The following GDAP2 variants were observed in gnomAD, a reference collection of about 807,000 sequenced individuals.
GDAP2 encodes the protein ganglioside induced differentiation associated protein 2, also known as ganglioside-induced differentiation-associated protein 2.
Under a neutral mutation model 67.0 loss-of-function variants are expected in GDAP2, and 51 were observed. The observed-to-expected ratio is 0.76, with a 90% CI of 0.61 to 0.96. The LOEUF (loss-of-function observed/expected upper bound fraction) is 0.96. Ranked by LOEUF, GDAP2 falls within the 40% of genes least tolerant of loss-of-function variation. The pLI, the probability that GDAP2 is intolerant of heterozygous loss-of-function variation, is 0.00. For missense variants in GDAP2, 547 were observed against 588.3 expected (o/e 0.93, Z 0.73); for synonymous variants, 203 against 207.3 (o/e 0.98, Z 0.18).
intron 8 of GDAP2, among the ~76,000 whole-genome samples, chr1:117,889,194 T>G (rs1330949138): frequency 6.6e-6 from 1 of 152,164 alleles, no homozygotes; most frequent in African/African-American, 2.4e-5. Context: ...AAAATTCTAT[T>G]TCTTTACTTA....
At chr1:117,898,987 T>G in intron 7 of GDAP2, 70 bp downstream of exon 7, 1 of 1,142,290 alleles carries the variant, frequency 8.8e-7, no homozygotes, top group Non-Finnish European at 1.3e-6. Context: ...AATTTCTTAC[T>G]TCTTTGGTGA....
chr1:117,912,912 G>A (rs1184011960), intron 3 of GDAP2, among the ~76,000 whole-genome samples: 2 of 152,102 alleles, frequency 1.3e-5, no homozygotes, highest in East Asian at 1.9e-4. Context: ...AGACCATGAA[G>A]CAGATAAGCA....
chr1:117,872,546 C>T (rs143957241), intron 13 of GDAP2, among the ~76,000 whole-genome samples: 10 of 152,106 alleles, frequency 6.6e-5, no homozygotes, highest in South Asian at 2.1e-4. Context: ...TGCAGAGACA[C>T]GGATGAAGCT....
At chr1:117,919,140 C>T (rs906957548) in intron 2 of GDAP2, among the ~76,000 whole-genome samples, 27 of 152,184 alleles carry the variant, frequency 1.8e-4, no homozygotes, top group African/African-American at 2.4e-4. Flanking sequence ...TTTGGGAGGC[C>T]GAGGCAGATG....
chr1:117,887,835 G>C, intron 8 of GDAP2, 61 bp from the exon 9 acceptor site: 1 of 995,752 alleles, frequency 1.0e-6, no homozygotes, highest in Non-Finnish European at 1.6e-6. Flanking sequence ...TTACAAATGG[G>C]ACCAATTTTT....
rs148340280 is a variant in GDAP2, at chr1:117,876,145, G to A, written c.1446+1864C>T. Among the ~76,000 whole-genome samples the A allele has an allele frequency of 1.6e-4, 24 of 152,228 alleles. No homozygotes were observed. In the East Asian group the frequency reaches 4.6e-3, roughly 29 times the overall value. ...GTGTTGGAGGTGGGGTCTAATGTGA[G>A]GTGTTTGAGTCATGGGGTGGGGCAG... On this transcript the variant is annotated intron_variant, in intron 13 of 13. Transcript: ENST00000369443.
chr1:117,866,333 A>T lies in GDAP2; in HGVS notation c.*4236T>A, dbSNP rs1355916902. On this transcript the variant is annotated 3_prime_UTR_variant, in exon 14 of 14. Transcript: ENST00000369443. ...AGGAATTGCGCTGGATGGCACTTTGATCTTGGGGTTTCTCAGCCTCCAACT... is the reference window on the plus strand; with the variant it reads ...AGGAATTGCGCTGGATGGCACTTTGTTCTTGGGGTTTCTCAGCCTCCAACT... The T allele has an allele frequency of 6.6e-6, 1 of 152,172 alleles. No homozygotes were observed. The highest frequency in any genetic ancestry group is 1.5e-5 in the Non-Finnish European group (1 of 68,034). The allele number at this position is 152,172 out of a possible 1,614,324, so 9.4% of individuals were successfully genotyped here.
At chr1:117,918,209 A>G (rs1650115798) in intron 3 of GDAP2, among the ~76,000 whole-genome samples, 2 of 152,226 alleles carry the variant, frequency 1.3e-5, no homozygotes, top group South Asian at 4.1e-4. Flanking sequence ...GGGCACAAAT[A>G]ACAAAGGGAT....
chr1:117,928,589 C>T (rs3754127), intron 1 of GDAP2, among the ~76,000 whole-genome samples: 52,332 of 152,152 alleles, frequency 0.34, 10,653 homozygotes, highest in Non-Finnish European at 0.46. Context: ...GCTGCTACAG[C>T]TGTCCACAGT....
At position 117,870,458 on chromosome 1, in the gene GDAP2, G is replaced by A; in HGVS notation, c.*111C>T. The A allele has an allele frequency of 4.0e-6, 3 of 747,540 alleles. No homozygotes were observed. Among genetic ancestry groups the A allele is most frequent in the East Asian group, 2.5e-5 (1 of 40,056 alleles). The allele number at this position is 747,540 out of a possible 1,614,324, so 46.3% of individuals were successfully genotyped here. On this transcript the variant is annotated 3_prime_UTR_variant, in exon 14 of 14. Coordinates refer to ENST00000369443, the MANE Select transcript of GDAP2 (RefSeq NM_017686.4). ...CAATAAAAAAATACCAGAGAGGTGGGGACAAAAGGCTCTCTGGATCTGTAC... is the reference window on the plus strand; with the variant it reads ...CAATAAAAAAATACCAGAGAGGTGGAGACAAAAGGCTCTCTGGATCTGTAC...
chr1:117,904,544 G>A (rs1454603069), intron 6 of GDAP2, among the ~76,000 whole-genome samples: 1 of 152,086 alleles, frequency 6.6e-6, no homozygotes, highest in Non-Finnish European at 1.5e-5. Context: ...AATGACTTTT[G>A]AGAAAAAGAT....
chr1:117,929,456 G>A lies in GDAP2; in HGVS notation c.-76C>T, dbSNP rs1171156492. ...TCAGTCCCTCCTCTCACAGCACTCT[G>A]GTGGTCCCATCCGGGCGGCGGGCGG... On this transcript the variant is annotated 5_prime_UTR_variant, in exon 1 of 14. Coordinates refer to ENST00000369443, the MANE Select transcript of GDAP2 (RefSeq NM_017686.4). 1.3e-5 allele frequency: 2 copies of A among 152,560 alleles called. No individual in the cohort carries two copies. The highest frequency in any genetic ancestry group is 1.9e-4 in the East Asian group (1 of 5,184). The allele number at this position is 152,560 out of a possible 1,614,324, so 9.5% of individuals were successfully genotyped here. A position where few individuals can be genotyped will look rare whatever the true frequency, so the allele number is the denominator to read the frequency against.
At chr1:117,921,599 A>AGGTAATGAGT in intron 1 of GDAP2, among the ~76,000 whole-genome samples, 1 of 152,322 alleles carries the variant, frequency 6.6e-6, no homozygotes, top group East Asian at 1.9e-4. Flanking sequence ...AGAATAAGCT[A>AGGTAATGAGT]GGTAATGAGT....
At chr1:117,907,794 C>T (rs1238588512) in intron 5 of GDAP2, among the ~76,000 whole-genome samples, 1 of 152,098 alleles carries the variant, frequency 6.6e-6, no homozygotes, top group Non-Finnish European at 1.5e-5. Flanking sequence ...CTCACTGTTG[C>T]CTGAGTTATC....
chr1:117,895,573 T>C (rs537024814), intron 8 of GDAP2, among the ~76,000 whole-genome samples: 10 of 152,266 alleles, frequency 6.6e-5, no homozygotes, highest in African/African-American at 2.4e-4. Flanking sequence ...ATCCCAGTAA[T>C]GTGAGGAGCC....
intron 1 of GDAP2, among the ~76,000 whole-genome samples, 175 bp downstream of exon 1, chr1:117,929,273 G>A (rs959359598): frequency 6.6e-6 from 1 of 152,176 alleles, no homozygotes; most frequent in Non-Finnish European, 1.5e-5. Flanking sequence ...ACAACGCCTC[G>A]GGAAAGAACC....
chr1:117,918,597 C>A lies in GDAP2; in HGVS notation c.316G>T (p.Gly106Trp), dbSNP rs12753610. The change falls in exon 3 of 14, where the codon GGG (glycine) becomes TGG (tryptophan). Residue 106 changes from glycine to tryptophan, a missense_variant and splice_region_variant. By Grantham distance (184) the Gly-to-Trp change is radical (BLOSUM62 -2). Transcript: ENST00000369443. The part of the protein sequence containing the change: ...DLKEDLQKLK[G>W]CRTGEAKLTK... Reference sequence around the variant, plus strand: ...AATATATGAAAGAAAATTCACTCACCTTTAAGTTTCTGGAGATCTTCCTTC... The same window carrying A: ...AATATATGAAAGAAAATTCACTCACATTTAAGTTTCTGGAGATCTTCCTTC... The A allele has an allele frequency of 6.2e-7, 1 of 1,603,738 alleles. No homozygotes were observed. Among genetic ancestry groups the A allele is most frequent in the Non-Finnish European group, 8.5e-7 (1 of 1,170,888 alleles).
intron 7 of GDAP2, among the ~76,000 whole-genome samples, chr1:117,898,839 C>A (rs903352574): frequency 1.3e-5 from 2 of 152,144 alleles, no homozygotes; most frequent in Admixed American, 1.3e-4. Context: ...ACCTCTTAAT[C>A]CCCACTGTCT....
intron 3 of GDAP2, among the ~76,000 whole-genome samples, chr1:117,917,766 T>C (rs1650100456): frequency 6.6e-6 from 1 of 152,248 alleles, no homozygotes; most frequent in African/African-American, 2.4e-5. Context: ...CTTATGTGTA[T>C]GTAAGCATAC....
Sources: gnomAD v4.1 joint callset for allele counts (sites outside exome capture counted in the v4.1 genomes callset) on GRCh38, gnomAD v4.1.1 for gene constraint, MANE v1.5 for transcripts, NCBI Gene and HGNC (gene_info 2026-07-23, HGNC 2026-07-21) for gene names.